STXBP4: variants seen among roughly 807,000 people sequenced by gnomAD.
STXBP4 encodes syntaxin binding protein 4, also known as syntaxin-binding protein 4.
In STXBP4, 55 loss-of-function variants were observed where a neutral mutation model predicts 76.1. The ratio of observed to expected loss-of-function variants is 0.72; its 90% CI spans 0.58 to 0.91. The LOEUF is 0.91. STXBP4 is among the 40% of genes least tolerant of loss of function. The pLI is 0.00. For synonymous variants in STXBP4, 201 were observed against 220.2 expected, an observed-to-expected ratio of 0.91 and a Z score of 0.77; for missense variants, 618 against 636.9, an observed-to-expected ratio of 0.97 and a Z score of 0.32.
the STXBP4 span, among the ~76,000 whole-genome samples, chr17:55,197,367 T>C: frequency 1.2e-4 from 18 of 152,208 alleles, no homozygotes; most frequent in African/African-American, 4.1e-4. Flanking sequence ...GGCAGGACAT[T>C]TCCCCACATT....
intron 4 of STXBP4, chr17:54,991,810 A>T (rs971968759): frequency 7.3e-5 from 11 of 150,896 alleles, no homozygotes; most frequent in African/African-American, 2.4e-4. Context: ...TAATAAAATT[A>T]TATTAATAAT....
intron 16 of STXBP4, among the ~76,000 whole-genome samples, chr17:55,111,895 GGTTTGTTT>G (rs75921976): frequency 0.016 from 2,391 of 149,812 alleles, 45 homozygotes; most frequent in South Asian, 0.08. Context: ...TTTTATTCAG[GGTTTGTTT>G]GTTTGTTTGT....
In STXBP4 at chr17:55,163,904, G is replaced by C. The variant is rs1035430578; in HGVS notation, c.*3993G>C. ...AATGCAAAGCAGCTGTCAAAATATAGAGTCAAGTGATACTTTCATAAAGTG... is the reference window on the plus strand; with the variant it reads ...AATGCAAAGCAGCTGTCAAAATATACAGTCAAGTGATACTTTCATAAAGTG... On this transcript the variant is annotated 3_prime_UTR_variant, in exon 18 of 18. Transcript: ENST00000376352. The C allele has an allele frequency of 6.6e-6, 1 of 152,474 alleles. No homozygotes were observed. The highest frequency in any genetic ancestry group is 1.5e-5 in the Non-Finnish European group (1 of 68,014). The allele number at this position is 152,474 out of a possible 1,614,324, so 9.4% of individuals were successfully genotyped here. A position where few individuals can be genotyped will look rare whatever the true frequency, so the allele number is the denominator to read the frequency against.
At position 54,999,671 on chromosome 17, in the gene STXBP4, A is replaced by T. The variant is rs773803250; in HGVS notation, c.327A>T (p.Lys109Asn). ...GGGAGATAGCATTCATAAGACAAAA[A>T]TCCGACAACATTCAGCCAGAAAATC... Reference protein sequence around the residue: ...SAWEIAFIRQKSDNIQPENLS... With the variant: ...SAWEIAFIRQNSDNIQPENLS... The change falls in exon 6 of 18, where the codon AAA (lysine) becomes AAT (asparagine). Residue 109 changes from lysine to asparagine, a missense_variant. By Grantham distance (94) the Lys-to-Asn change is moderately conservative. Coordinates refer to ENST00000376352, the MANE Select transcript of STXBP4 (RefSeq NM_178509.6). 1.9e-6 allele frequency: 3 copies of T among 1,613,672 alleles called. No homozygotes were observed. The highest frequency in any genetic ancestry group is 2.5e-6 in the Non-Finnish European group (3 of 1,179,844).
At chr17:55,110,353 G>T (rs1468642718) in intron 16 of STXBP4, among the ~76,000 whole-genome samples, 2 of 152,210 alleles carry the variant, frequency 1.3e-5, no homozygotes, top group Non-Finnish European at 2.9e-5. Flanking sequence ...GGCTTAGGAT[G>T]TGGACATCAT....
the STXBP4 span, among the ~76,000 whole-genome samples, chr17:55,212,892 A>C: frequency 2.6e-5 from 4 of 152,174 alleles, no homozygotes; most frequent in African/African-American, 7.2e-5. Flanking sequence ...GCTTCATCTC[A>C]TCTATCCCCT....
chr17:55,090,091 C>G (rs1548908), intron 16 of STXBP4, among the ~76,000 whole-genome samples: 1 of 151,900 alleles, frequency 6.6e-6, no homozygotes, highest in Non-Finnish European at 1.5e-5. Context: ...CAGGAGGACA[C>G]TCTTAATATG....
At chr17:55,203,126 A>AAGAAG in the STXBP4 span, among the ~76,000 whole-genome samples, 1 of 152,126 alleles carries the variant, frequency 6.6e-6, no homozygotes, top group African/African-American at 2.4e-5. Context: ...TTTTGCACAT[A>AAGAAG]TGGGTCTCTA....
rs535327163 is a variant in STXBP4, at chr17:55,160,994, A to G, written c.*1083A>G. The G allele has an allele frequency of 6.6e-6, 1 of 152,216 alleles. No homozygotes were observed. The highest frequency in any genetic ancestry group is 2.4e-5 in the African/African-American group (1 of 41,454). 9.4% of individuals were successfully genotyped at this position (152,216 alleles called of 1,614,324 possible). ...TTAAAACATTACTGCTCTACTCGAA[A>G]CAAGATGGAAGCCTAAAGCCCAAGT... On this transcript the variant is annotated 3_prime_UTR_variant, in exon 18 of 18. Transcript: ENST00000376352.
intron 13 of STXBP4, among the ~76,000 whole-genome samples, chr17:55,077,319 A>G (rs961824913): frequency 2.6e-5 from 4 of 152,284 alleles, no homozygotes; most frequent in Non-Finnish European, 5.9e-5. Context: ...GGACCAATTT[A>G]AAGTAAAATT....
chr17:55,141,270 T>C (rs752761213), intron 16 of STXBP4, 40 bp from the exon 17 acceptor site: 1 of 1,526,114 alleles, frequency 6.6e-7, no homozygotes, highest in Non-Finnish European at 9.0e-7. Context: ...GTTATCTTTA[T>C]CATCTTATTA....
chr17:55,014,577 T>A (rs2078171948), intron 8 of STXBP4, among the ~76,000 whole-genome samples: 1 of 152,154 alleles, frequency 6.6e-6, no homozygotes, highest in African/African-American at 2.4e-5. Flanking sequence ...GTTAACCTCC[T>A]GGCCCTTAAT....
the STXBP4 span, among the ~76,000 whole-genome samples, chr17:55,193,449 CA>C: frequency 2.0e-5 from 3 of 152,076 alleles, no homozygotes; most frequent in African/African-American, 7.2e-5. Flanking sequence ...CATCAATTCT[CA>C]TCATGGTTTG....
At chr17:55,193,429 C>T in the STXBP4 span, among the ~76,000 whole-genome samples, 4 of 152,198 alleles carry the variant, frequency 2.6e-5, no homozygotes, top group Admixed American at 2.0e-4. Flanking sequence ...CAACCTACTA[C>T]AGAACCTGAC....
At chr17:55,192,886 A>G in the STXBP4 span, among the ~76,000 whole-genome samples, 1 of 152,176 alleles carries the variant, frequency 6.6e-6, no homozygotes, top group African/African-American at 2.4e-5. Flanking sequence ...AGCCTCTCTG[A>G]TGAGGAAACT....
the STXBP4 span, among the ~76,000 whole-genome samples, chr17:55,206,606 C>CA: frequency 6.6e-6 from 1 of 151,946 alleles, no homozygotes; most frequent in Non-Finnish European, 1.5e-5. Context: ...CCTGTAATCC[C>CA]AGCACTTTGA....
chr17:55,085,751 T>A (rs1033338544), intron 16 of STXBP4, among the ~76,000 whole-genome samples: 9 of 152,124 alleles, frequency 5.9e-5, no homozygotes, highest in Non-Finnish European at 1.2e-4. Context: ...AAGTTCTGAT[T>A]TCACAACTGT....
chr17:55,076,302 A>G (rs2079180916), intron 13 of STXBP4, among the ~76,000 whole-genome samples: 1 of 152,142 alleles, frequency 6.6e-6, no homozygotes, highest in Non-Finnish European at 1.5e-5. Context: ...TTTTCTGTTA[A>G]GCATTCTTAC....
Position 55,073,032 on chromosome 17 carries a change from A to G in STXBP4, c.1144A>G (p.Thr382Ala). ...GATCCGTCTGTTAGAGGCCAAGATTACAGAGCTAAAGGCTCAGCTTGCTGA... is the reference window on the plus strand; with the variant it reads ...GATCCGTCTGTTAGAGGCCAAGATTGCAGAGCTAAAGGCTCAGCTTGCTGA... Reference protein sequence around the residue: ...EVIRLLEAKITELKAQLADYS... With the variant: ...EVIRLLEAKIAELKAQLADYS... The change falls in exon 13 of 18, where the codon ACA (threonine) becomes GCA (alanine). Residue 382 changes from threonine (T) to alanine (A), a missense_variant. Transcript: ENST00000376352. 1 of 1,614,032 alleles carries G rather than the reference A, an allele frequency of 6.2e-7. No individual in the cohort carries two copies. The highest frequency in any genetic ancestry group is 8.5e-7 in the Non-Finnish European group (1 of 1,179,928).
Sources: gnomAD v4.1 joint callset for allele counts (sites outside exome capture counted in the v4.1 genomes callset) on GRCh38, gnomAD v4.1.1 for gene constraint, MANE v1.5 for transcripts, NCBI Gene and HGNC (gene_info 2026-07-23, HGNC 2026-07-21) for gene names.